Variants in SYNE3 observed in about 807,000 individuals in gnomAD.
SYNE3 encodes the protein spectrin repeat containing nuclear envelope family member 3.
In SYNE3, 100 loss-of-function variants were observed where a neutral mutation model predicts 111.2. The observed-to-expected ratio is 0.90, with a 90% CI of 0.77 to 1.06. The LOEUF (loss-of-function observed/expected upper bound fraction) is 1.06, where lower values mean the gene tolerates loss of function less well. SYNE3 is among the 50% of genes least tolerant of loss of function. SYNE3 has a pLI of 0.00. For missense variants in SYNE3, 1,160 were observed against 1,240.3 expected, an observed-to-expected ratio of 0.94 and a Z score of 0.97; for synonymous variants, 547 against 533.9, an observed-to-expected ratio of 1.02 and a Z score of -0.34.
chr14:95,475,373 C>CT (rs1345530423), intron 2 of SYNE3, among the ~76,000 whole-genome samples: 1 of 152,174 alleles, frequency 6.6e-6, no homozygotes, highest in Non-Finnish European at 1.5e-5. Context: ...TGCACGGGTC[C>CT]CCCCTGCAGG....
chr14:95,473,414 G>A (rs1384071753), intron 2 of SYNE3, among the ~76,000 whole-genome samples: 1 of 152,142 alleles, frequency 6.6e-6, no homozygotes, highest in Non-Finnish European at 1.5e-5. Flanking sequence ...AGGCAGGGCT[G>A]TGATGCTCAC....
rs779552067 is a variant in SYNE3, at chr14:95,439,060, C to T, written c.2349G>A (p.Met783Ile). The change falls in exon 14 of 18, where the codon ATG becomes ATA. Residue 783 changes from methionine to isoleucine, a missense_variant. Coordinates refer to ENST00000682763, the MANE Select transcript of SYNE3 (RefSeq NM_152592.6). ...IPKSGFLINP[M>I]DPIPRHRRRA... ...GTCGACGATGCCTGGGAATAGGATC[C>T]ATGGGATTGATGAGAAATCCTGACT... is the stretch of plus-strand genomic sequence containing the variant. 6 of 1,614,128 alleles carry T rather than the reference C, an allele frequency of 3.7e-6. No homozygotes were observed. The highest frequency in any genetic ancestry group is 3.3e-5 in the Admixed American group (2 of 60,014).
Position 95,424,053 on chromosome 14 carries a change from C to T in SYNE3, c.2728-6027G>A, listed in dbSNP as rs978599494. Among the ~76,000 whole-genome samples the T allele has an allele frequency of 2.6e-5, 4 of 152,116 alleles. No homozygotes were observed. In the South Asian group the frequency reaches 8.3e-4, roughly 32 times the overall value. ...GGTGCCTGTGGGACCCCCAAGGAAA[C>T]ATCTAATGGGCAGTTGAGGTTTTAG... is the stretch of plus-strand genomic sequence containing the variant. On this transcript the variant is annotated intron_variant, in intron 17 of 17. Transcript: ENST00000682763.
intron 1 of SYNE3, among the ~76,000 whole-genome samples, chr14:95,493,036 C>T (rs1889923106): frequency 6.6e-6 from 1 of 152,162 alleles, no homozygotes; most frequent in Admixed American, 6.5e-5. Flanking sequence ...CCAAAGGCTG[C>T]CAAGATTCTT....
At chr14:95,445,231 GGGCTGGGTCCT>G (rs1333802874) in intron 9 of SYNE3, among the ~76,000 whole-genome samples, 1 of 152,172 alleles carries the variant, frequency 6.6e-6, no homozygotes, top group African/African-American at 2.4e-5. Context: ...CTGAAATCAT[GGGCTGGGTCCT>G]GGCTGTACCC....
At chr14:95,498,138 T>A (rs151033794) in intron 1 of SYNE3, among the ~76,000 whole-genome samples, 12,231 of 152,014 alleles carry the variant, frequency 0.08, 551 homozygotes, top group Non-Finnish European at 0.083. Context: ...TTTAAAAAAA[T>A]TAGAGGCTTT....
chr14:95,455,604 C>T lies in SYNE3; in HGVS notation c.910G>A (p.Glu304Lys), dbSNP rs1281226273. The change falls in exon 6 of 18, where the codon GAG (glutamate) becomes AAG (lysine). Residue 304 changes from glutamate (E) to lysine (K), a missense_variant. Transcript: ENST00000682763. ...GAEKITGELE[E>K]MRKVLEKLRA... is the part of the protein sequence containing the mutation. Reference sequence around the variant, plus strand: ...AGCTTCTCCAGAACTTTCCTCATCTCTTCCAGTTCTCCGGTGATCTTCTCT... The same window carrying T: ...AGCTTCTCCAGAACTTTCCTCATCTTTTCCAGTTCTCCGGTGATCTTCTCT... The T allele has an allele frequency of 6.2e-7, 1 of 1,614,236 alleles. No homozygotes were observed. Among genetic ancestry groups the T allele is most frequent in the South Asian group, 1.1e-5 (1 of 91,086 alleles).
At chr14:95,446,725 A>AT (rs1250640548) in intron 8 of SYNE3, among the ~76,000 whole-genome samples, 1 of 152,168 alleles carries the variant, frequency 6.6e-6, no homozygotes, top group Non-Finnish European at 1.5e-5. Flanking sequence ...AGGAGAACTA[A>AT]GGGGGCTCAG....
Position 95,411,173 on chromosome 14 carries a change from C to T in SYNE3, c.*6653G>A, listed in dbSNP as rs1166614590. Reference sequence around the variant, plus strand: ...TATCCTCCTTCAACAGAGAACTTAGCATTTCCTAATCCATTTTGCCTCCCC... The same window carrying T: ...TATCCTCCTTCAACAGAGAACTTAGTATTTCCTAATCCATTTTGCCTCCCC... On this transcript the variant is annotated 3_prime_UTR_variant, in exon 18 of 18. Coordinates refer to ENST00000682763, the MANE Select transcript of SYNE3 (RefSeq NM_152592.6). 1 of 152,184 alleles carries T rather than the reference C, an allele frequency of 6.6e-6. No individual in the cohort carries two copies. The highest frequency in any genetic ancestry group is 1.5e-5 in the Non-Finnish European group (1 of 68,050). The allele number at this position is 152,184 out of a possible 1,614,324, so 9.4% of individuals were successfully genotyped here. A position where few individuals can be genotyped will look rare whatever the true frequency, so the allele number is the denominator to read the frequency against.
At chr14:95,516,407 G>T (rs1050214770) in intron 1 of SYNE3, among the ~76,000 whole-genome samples, 189 bp downstream of exon 1, 15 of 152,214 alleles carry the variant, frequency 9.9e-5, no homozygotes, top group African/African-American at 3.4e-4. Context: ...ATACCCGCCC[G>T]CCCGCAGCTG....
intron 1 of SYNE3, among the ~76,000 whole-genome samples, chr14:95,507,259 C>A (rs1371717528): frequency 6.6e-6 from 1 of 152,224 alleles, no homozygotes; most frequent in African/African-American, 2.4e-5. Flanking sequence ...CACTGGGCAG[C>A]GCTGTGTCTC....
chr14:95,486,454 A>C (rs542854768), intron 1 of SYNE3, among the ~76,000 whole-genome samples: 25 of 150,976 alleles, frequency 1.7e-4, no homozygotes, highest in African/African-American at 5.6e-4. Context: ...CTTCTCAGGC[A>C]GGGGTCTTCC....
At chr14:95,504,936 A>T (rs1337298286) in intron 1 of SYNE3, among the ~76,000 whole-genome samples, 1 of 152,282 alleles carries the variant, frequency 6.6e-6, no homozygotes, top group Non-Finnish European at 1.5e-5. Context: ...CAATGGACAC[A>T]AGTGGAAAAA....
At chr14:95,496,271 C>T (rs1274405053) in intron 1 of SYNE3, among the ~76,000 whole-genome samples, 1 of 152,206 alleles carries the variant, frequency 6.6e-6, no homozygotes, top group Non-Finnish European at 1.5e-5. Flanking sequence ...ATAAGAGCAT[C>T]CTGCCCTGAC....
intron 1 of SYNE3, among the ~76,000 whole-genome samples, chr14:95,503,136 C>G (rs184822817): frequency 1.6e-4 from 24 of 152,346 alleles, no homozygotes; most frequent in Middle Eastern, 3.4e-3. Flanking sequence ...AAGTCCCCTG[C>G]AAGGGCATCT....
intron 1 of SYNE3, among the ~76,000 whole-genome samples, chr14:95,488,299 G>A (rs980505010): frequency 6.6e-6 from 1 of 152,180 alleles, no homozygotes; most frequent in African/African-American, 2.4e-5. Flanking sequence ...TTTCACTCAG[G>A]ATGGTTATTT....
chr14:95,440,765 C>A (rs1213830268), intron 11 of SYNE3, among the ~76,000 whole-genome samples: 1 of 152,200 alleles, frequency 6.6e-6, no homozygotes, highest in Admixed American at 6.5e-5. Flanking sequence ...TCAGAGCCCC[C>A]CTTGAGGGTC....
At chr14:95,505,547 G>A (rs1434321416) in intron 1 of SYNE3, among the ~76,000 whole-genome samples, 1 of 152,092 alleles carries the variant, frequency 6.6e-6, no homozygotes, top group Non-Finnish European at 1.5e-5. Flanking sequence ...TTACGGTCAT[G>A]ATTTTGACTA....
chr14:95,492,995 C>T (rs1036386789), intron 1 of SYNE3, among the ~76,000 whole-genome samples: 1 of 152,130 alleles, frequency 6.6e-6, no homozygotes, highest in Non-Finnish European at 1.5e-5. Flanking sequence ...AATCAACCAT[C>T]TCTGCTTGAA....
Sources: gnomAD v4.1 joint callset for allele counts (sites outside exome capture counted in the v4.1 genomes callset) on GRCh38, gnomAD v4.1.1 for gene constraint, MANE v1.5 for transcripts, NCBI Gene and HGNC (gene_info 2026-07-23, HGNC 2026-07-21) for gene names.